The following SCNN1B variants were observed in gnomAD, a reference collection of about 807,000 sequenced individuals.
SCNN1B encodes the protein sodium channel epithelial 1 subunit beta.
In SCNN1B, 46 loss-of-function variants were observed where a neutral mutation model predicts 65.3. That is an observed-to-expected ratio of 0.70 (90% CI 0.56 to 0.90). The LOEUF is 0.90. SCNN1B is among the 40% of genes least tolerant of loss of function. The pLI, the probability that SCNN1B is intolerant of heterozygous loss-of-function variation, is 0.00. For missense variants in SCNN1B, 751 were observed against 830.5 expected (o/e 0.90, Z 1.18); for synonymous variants, 349 against 330.6 (o/e 1.06, Z -0.60).
intron 1 of SCNN1B, among the ~76,000 whole-genome samples, chr16:23,320,611 G>A (rs775843587): frequency 3.9e-5 from 6 of 152,340 alleles, no homozygotes; most frequent in South Asian, 2.1e-4. Flanking sequence ...AAAAGTTCTC[G>A]TCCATGTGTT....
intron 4 of SCNN1B, among the ~76,000 whole-genome samples, chr16:23,356,306 GA>G (rs1376644186): frequency 6.6e-6 from 1 of 152,078 alleles, no homozygotes; most frequent in Non-Finnish European, 1.5e-5. Context: ...AAGAGTAAAT[GA>G]GTAAGTTCAT....
At chr16:23,290,608 A>G (rs1382886081) in intron 2 of SCNN1B, among the ~76,000 whole-genome samples, 1 of 152,132 alleles carries the variant, frequency 6.6e-6, no homozygotes, top group Non-Finnish European at 1.5e-5. Flanking sequence ...CACCCCTCCT[A>G]AACTCTAGCT....
chr16:23,379,074 C>T (rs544471083), intron 11 of SCNN1B, among the ~76,000 whole-genome samples: 3 of 150,406 alleles, frequency 2.0e-5, no homozygotes, highest in Non-Finnish European at 4.4e-5. Flanking sequence ...TCCATTCTCC[C>T]ACCCAGCCAT....
chr16:23,304,647 C>A (rs1961156958), intron 1 of SCNN1B, among the ~76,000 whole-genome samples: 1 of 152,196 alleles, frequency 6.6e-6, no homozygotes, highest in Non-Finnish European at 1.5e-5. Context: ...TGTTTGTGTA[C>A]CACAAACTGT....
Position 23,370,144 on chromosome 16 carries a change from C to T in SCNN1B, c.881-1155C>T, listed in dbSNP as rs1362339199. Among the ~76,000 whole-genome samples, 3 of 152,022 alleles carry T rather than the reference C, an allele frequency of 2.0e-5. No individual in the cohort carries two copies. The East Asian group carries it at 5.8e-4, about 29-fold the overall frequency. On this transcript the variant is annotated intron_variant, in intron 5 of 12. Transcript: ENST00000343070. ...ATTTTGATATGGAGTTTTGCTCTGT[C>T]GTCCTGGCTGCAGTGCAGTGGCGCA...
intron 1 of SCNN1B, among the ~76,000 whole-genome samples, chr16:23,344,326 C>G (rs975468549): frequency 1.3e-5 from 2 of 152,172 alleles, no homozygotes; most frequent in Admixed American, 6.5e-5. Flanking sequence ...CTGTTGGTAC[C>G]AAGCTGAGAC....
In SCNN1B at chr16:23,365,620, A is replaced by AGAAAGAGAAAG. The variant is rs11399911; in HGVS notation, c.777-2236_777-2235insGAAAGAGAAAG. Among the ~76,000 whole-genome samples, 201 of 80,474 alleles carry AGAAAGAGAAAG rather than the reference A, an allele frequency of 2.5e-3. 5 individuals are homozygous for AGAAAGAGAAAG. Among genetic ancestry groups the AGAAAGAGAAAG allele is most frequent in the African/African-American group, 2.8e-3 (67 of 23,750 alleles). 52.8% of individuals were successfully genotyped at this position (80,474 alleles called of 152,430 possible). ...AAGAAAGAAAGAAAGAAAGAAAGAA[A>AGAAAGAGAAAG]AAAGAAAGAAGTCACATCTTGGAAG... On this transcript the variant is annotated intron_variant, in intron 4 of 12. Transcript: ENST00000343070.
intron 1 of SCNN1B, among the ~76,000 whole-genome samples, chr16:23,311,517 T>G (rs1387455760): frequency 6.6e-6 from 1 of 152,220 alleles, no homozygotes; most frequent in Non-Finnish European, 1.5e-5. Context: ...TGGAGGTTGT[T>G]GATTCTCTAA....
intron 4 of SCNN1B, among the ~76,000 whole-genome samples, chr16:23,365,626 A>C (rs937461828): frequency 1.4e-5 from 2 of 144,208 alleles, no homozygotes; most frequent in Admixed American, 6.9e-5. Flanking sequence ...AGAAAAAAGA[A>C]AGAAGTCACA....
chr16:23,374,532 C>A (rs1437695002), intron 7 of SCNN1B, among the ~76,000 whole-genome samples: 1 of 143,650 alleles, frequency 7.0e-6, no homozygotes, highest in Non-Finnish European at 1.5e-5. Context: ...CGAGATCATG[C>A]CACTGCACTA....
At position 23,380,827 on chromosome 16, in the gene SCNN1B, C is replaced by T; in HGVS notation, c.*26C>T. On this transcript the variant is annotated 3_prime_UTR_variant, in exon 13 of 13. Coordinates refer to ENST00000343070, the MANE Select transcript of SCNN1B (RefSeq NM_000336.3). The surrounding 1 kb of genome is among the most constrained non-coding windows in gnomAD (Gnocchi z 5.4). ...CCCTGCCCCTGCCCACCCCGGGCGG[C>T]TGAAACTCACTGAGCAGCCAAGACT... 6.2e-7 allele frequency: 1 copy of T among 1,610,800 alleles called. No individual in the cohort carries two copies. Among genetic ancestry groups the T allele is most frequent in the Non-Finnish European group, 8.5e-7 (1 of 1,179,372 alleles).
intron 1 of SCNN1B, among the ~76,000 whole-genome samples, chr16:23,323,921 C>T (rs939451890): frequency 1.1e-4 from 17 of 152,164 alleles, no homozygotes; most frequent in Non-Finnish European, 2.4e-4. Flanking sequence ...ACTCAGCAAC[C>T]ACCTACACAT....
At chr16:23,318,542 G>T (rs1961520531) in intron 1 of SCNN1B, among the ~76,000 whole-genome samples, 1 of 152,226 alleles carries the variant, frequency 6.6e-6, no homozygotes, top group Non-Finnish European at 1.5e-5. Flanking sequence ...CCGGGAGGCA[G>T]AAGTTGCAGT....
chr16:23,343,650 A>AG (rs56285786), intron 1 of SCNN1B, among the ~76,000 whole-genome samples: 36 of 120,166 alleles, frequency 3.0e-4, no homozygotes, highest in East Asian at 4.5e-4. Context: ...AAAGAAAGAA[A>AG]AAAAGAAAGG....
chr16:23,337,383 T>C lies in SCNN1B; in HGVS notation c.-8-11209T>C, dbSNP rs561148790. On this transcript the variant is annotated intron_variant, in intron 1 of 12. Transcript: ENST00000343070. ...TTCTTTCTCTTTCTTTCTTTTTTTT[T>C]TTTTTTTGAGATGGAGTTTCACTCT... Among the ~76,000 whole-genome samples the C allele has an allele frequency of 2.7e-5, 4 of 150,524 alleles. 1 individual carries two copies. Among genetic ancestry groups the C allele is most frequent in the African/African-American group, 9.8e-5 (4 of 40,960 alleles).
intron 4 of SCNN1B, chr16:23,358,536 A>G (rs1962465970): frequency 6.6e-6 from 1 of 152,220 alleles, no homozygotes; most frequent in Non-Finnish European, 1.5e-5. Flanking sequence ...AAGTGAATTA[A>G]TATGCATGAG....
chr16:23,315,517 A>T lies in SCNN1B; in HGVS notation c.-9+13080A>T, dbSNP rs574422438. On this transcript the variant is annotated intron_variant, in intron 1 of 12. Coordinates refer to ENST00000343070, the MANE Select transcript of SCNN1B (RefSeq NM_000336.3). ...TATAAGCACTTACTATAGAACAGGC[A>T]TGGGAGCCTAGTGCAGTGGCTCACG... Among the ~76,000 whole-genome samples the T allele has an allele frequency of 1.1e-4, 17 of 152,240 alleles. No homozygotes were observed. The East Asian group carries it at 3.1e-3, about 28-fold the overall frequency.
intron 3 of SCNN1B, among the ~76,000 whole-genome samples, chr16:23,354,173 C>T (rs913137664): frequency 1.3e-5 from 2 of 152,226 alleles, no homozygotes; most frequent in Non-Finnish European, 2.9e-5. Flanking sequence ...TCCTTAACCT[C>T]CTGGGCCTCA....
intron 2 of SCNN1B, among the ~76,000 whole-genome samples, chr16:23,286,177 AAAG>A (rs1960847832): frequency 6.6e-6 from 1 of 152,206 alleles, no homozygotes; most frequent in South Asian, 2.1e-4. Flanking sequence ...TCAGTGAGGG[AAAG>A]AAGCTCTTCT....
Sources: allele counts gnomAD v4.1 joint callset (sites outside exome capture counted in the v4.1 genomes callset), GRCh38; gene constraint gnomAD v4.1.1; non-coding constraint Gnocchi (gnomAD v3.1); transcripts MANE v1.5; gene names NCBI Gene and HGNC (gene_info 2026-07-23, HGNC 2026-07-21).